SYT12: variants seen among roughly 807,000 people sequenced by gnomAD.
The protein encoded by SYT12 is synaptotagmin-12.
SYT12 carries 27 observed loss-of-function variants against 39.5 expected under a neutral mutation model. The observed-to-expected ratio is 0.68, with a 90% confidence interval of 0.50 to 0.94. The LOEUF (loss-of-function observed/expected upper bound fraction) is 0.94. Among genes scored for constraint, SYT12 ranks in the 40% least tolerant of loss-of-function variants. The pLI is 0.00. For synonymous variants in SYT12, 233 were observed against 239.7 expected (o/e 0.97, Z 0.26); for missense variants, 536 against 572.6 (o/e 0.94, Z 0.65).
chr11:67,039,187 C>T (rs1016078059), intron 3 of SYT12, among the ~76,000 whole-genome samples: 6 of 151,528 alleles, frequency 4.0e-5, no homozygotes, highest in African/African-American at 9.7e-5. Flanking sequence ...CCTGTAATCC[C>T]GGGTCCTCAG....
chr11:67,046,812 C>G (rs1014834423), intron 7 of SYT12, among the ~76,000 whole-genome samples: 5 of 152,218 alleles, frequency 3.3e-5, no homozygotes, highest in African/African-American at 9.6e-5. Context: ...AGCTCCCGCT[C>G]TCATCTCAAG....
At chr11:67,032,959 AGGGTGCTCAGTGCT>A (rs1950298714) in intron 2 of SYT12, 2 of 153,818 alleles carry the variant, frequency 1.3e-5, no homozygotes, top group Non-Finnish European at 2.9e-5. Flanking sequence ...AGAGCCTTAC[AGGGTGCTCAGTGCT>A]GGGAGGGCGT....
intron 4 of SYT12, 109 bp downstream of exon 4, chr11:67,040,312 A>G (rs1950486034): frequency 7.1e-7 from 1 of 1,408,938 alleles, no homozygotes; most frequent in Non-Finnish European, 9.6e-7. Flanking sequence ...AGTAGAGTGC[A>G]AGTATGGATG....
At chr11:67,032,661 T>A (rs962281141) in intron 2 of SYT12, 2 of 152,284 alleles carry the variant, frequency 1.3e-5, no homozygotes, top group African/African-American at 4.8e-5. Flanking sequence ...CCCAGCACTT[T>A]GGGAGGCCAA....
chr11:67,039,754 C>T (rs1950462960), intron 3 of SYT12, 57 bp from the exon 4 acceptor site: 2 of 1,545,140 alleles, frequency 1.3e-6, no homozygotes, highest in Admixed American at 1.8e-5. Flanking sequence ...TGCCGTCTCC[C>T]AGTGACCTTG....
chr11:67,018,323 G>A (rs1489609607), upstream of SYT12, among the ~76,000 whole-genome samples: 1 of 151,706 alleles, frequency 6.6e-6, no homozygotes, highest in East Asian at 1.9e-4. Flanking sequence ...CACTGCCTGT[G>A]GGGTAGCCCT....
At position 67,044,727 on chromosome 11, in the gene SYT12, G is replaced by A. The variant is rs761075748; in HGVS notation, c.958+14G>A. The A allele has an allele frequency of 2.2e-5, 36 of 1,613,014 alleles. No homozygotes were observed. Among genetic ancestry groups the A allele is most frequent in the Admixed American group, 1.2e-4 (7 of 59,966 alleles). Reference sequence around the variant, plus strand: ...AGACCACAGCGGGTAAGGCCCAGCCGGCAGCCCGGCTCCTCCACGTAGCTC... The same window carrying A: ...AGACCACAGCGGGTAAGGCCCAGCCAGCAGCCCGGCTCCTCCACGTAGCTC... On this transcript the variant is annotated intron_variant, in intron 6 of 7. Transcript: ENST00000527043.
At chr11:67,008,251 G>A (rs1252257059) in intron 1 of SYT12, among the ~76,000 whole-genome samples, 2 of 152,108 alleles carry the variant, frequency 1.3e-5, no homozygotes, top group Non-Finnish European at 2.9e-5. Flanking sequence ...ATCACACCCG[G>A]CCAGGAAGCC....
chr11:67,035,790 T>TTTTCTTTCCTTCCTTCCTTCC, intron 3 of SYT12, among the ~76,000 whole-genome samples: 1 of 73,228 alleles, frequency 1.4e-5, no homozygotes, highest in African/African-American at 6.0e-5. Flanking sequence ...TTTTCTTTTC[T>TTTTCTTTCCTTCCTTCCTTCC]TTCCTTCCTT....
In SYT12 at chr11:67,018,105, A is replaced by T. The variant is rs1292251529; in HGVS notation, c.-68-3764A>T. ...GGTGAAACCCCGTCTCTACTAAAAAATACAAAAATTAGCCAGGCGTGGTGG... is the reference window on the plus strand; with the variant it reads ...GGTGAAACCCCGTCTCTACTAAAAATTACAAAAATTAGCCAGGCGTGGTGG... On this transcript the variant is annotated intron_variant, in intron 3 of 10. Coordinates refer to the SYT12 transcript ENST00000393946. Among the ~76,000 whole-genome samples the T allele has an allele frequency of 1.9e-4, 29 of 151,970 alleles. 1 individual carries two copies. Among genetic ancestry groups the T allele is most frequent in the Admixed American group, 1.9e-3 (29 of 15,236 alleles).
At chr11:67,034,280 G>A (rs922925247) in intron 2 of SYT12, among the ~76,000 whole-genome samples, 1 of 152,102 alleles carries the variant, frequency 6.6e-6, no homozygotes, top group Non-Finnish European at 1.5e-5. Context: ...TGGATATTAT[G>A]TACACAGGCT....
chr11:67,014,963 C>T (rs1179417565), intron 3 of SYT12, among the ~76,000 whole-genome samples: 2 of 152,174 alleles, frequency 1.3e-5, no homozygotes, highest in Non-Finnish European at 2.9e-5. Context: ...GTAAAATATT[C>T]CTGCATCACG....
intron 6 of SYT12, among the ~76,000 whole-genome samples, chr11:67,044,993 C>G (rs965594294): frequency 6.6e-6 from 1 of 151,960 alleles, no homozygotes; most frequent in East Asian, 1.9e-4. Flanking sequence ...GGCAGGAGGC[C>G]GCACTCAGGG....
Position 67,044,679 on chromosome 11 carries a change from G to C in SYT12, c.924G>C (p.Lys308Asn). ...TCACCGTGGTCGTGGTTAAGGCCAA[G>C]AACCTCATCTGGACCAACGACAAGA... ...ERLTVVVVKA[K>N]NLIWTNDKTT... Residue 308 changes from lysine to asparagine, a missense_variant, in exon 6 of 8, where the codon AAG (lysine) becomes AAC (asparagine). By Grantham distance (94) the Lys-to-Asn change is moderately conservative. Transcript: ENST00000527043. The C allele has an allele frequency of 6.2e-7, 1 of 1,613,788 alleles. No homozygotes were observed. The highest frequency in any genetic ancestry group is 8.5e-7 in the Non-Finnish European group (1 of 1,180,002).
chr11:67,042,358 GGA>G (rs1950528236), intron 4 of SYT12, among the ~76,000 whole-genome samples: 2 of 152,286 alleles, frequency 1.3e-5, no homozygotes, highest in Non-Finnish European at 1.5e-5. Context: ...CATTCCTTGA[GGA>G]GAGACATTGG....
intron 3 of SYT12, among the ~76,000 whole-genome samples, chr11:67,035,458 C>CTTTTTT (rs1213047598): frequency 3.2e-4 from 29 of 90,238 alleles, no homozygotes; most frequent in African/African-American, 6.6e-4. Flanking sequence ...TTTTTCTTTT[C>CTTTTTT]TTTTTTTTTT....
At chr11:67,038,126 C>A (rs1301858006) in intron 3 of SYT12, among the ~76,000 whole-genome samples, 1 of 150,754 alleles carries the variant, frequency 6.6e-6, no homozygotes, top group Non-Finnish European at 1.5e-5. Context: ...ATCCCAAGGT[C>A]AATTTAGGGA....
chr11:67,012,334 G>A (rs1950019723), intron 3 of SYT12, among the ~76,000 whole-genome samples: 1 of 152,002 alleles, frequency 6.6e-6, no homozygotes, highest in African/African-American at 2.4e-5. Flanking sequence ...TTGCACCACT[G>A]CACTCCAGCC....
At chr11:67,046,075 T>A (rs1854539736) in intron 7 of SYT12, among the ~76,000 whole-genome samples, 198 bp downstream of exon 7, 2 of 151,676 alleles carry the variant, frequency 1.3e-5, no homozygotes, top group South Asian at 4.2e-4. Context: ...TTCTCGGTGC[T>A]CACAAGGGAC....
Sources: allele counts gnomAD v4.1 joint callset (sites outside exome capture counted in the v4.1 genomes callset), GRCh38; gene constraint gnomAD v4.1.1; transcripts MANE v1.5; gene names NCBI Gene and HGNC (gene_info 2026-07-23, HGNC 2026-07-21).